FMN1: variants seen among roughly 807,000 people sequenced by gnomAD.
FMN1 encodes formin 1, also known as formin-1.
FMN1 carries 110 observed loss-of-function variants against 132.4 expected under a neutral mutation model. That is an observed-to-expected ratio of 0.83 (90% confidence interval 0.71 to 0.97). The LOEUF (loss-of-function observed/expected upper bound fraction) is 0.97. FMN1 is among the 50% of genes least tolerant of loss of function. FMN1 has a pLI of 0.00. For synonymous variants in FMN1, 722 were observed against 651.7 expected, an observed-to-expected ratio of 1.11 and a Z score of -1.64; for missense variants, 1,792 against 1,705.3, an observed-to-expected ratio of 1.05 and a Z score of -0.90.
chr15:32,979,555 C>CAAAAA (rs66993265), intron 7 of FMN1, among the ~76,000 whole-genome samples: 9 of 57,468 alleles, frequency 1.6e-4, no homozygotes, highest in African/African-American at 2.1e-4. Flanking sequence ...GACTCTGTCT[C>CAAAAA]AAAAAAAAAA....
chr15:32,843,135 GAA>G (rs5811712), intron 17 of FMN1, among the ~76,000 whole-genome samples: 217 of 143,632 alleles, frequency 1.5e-3, no homozygotes, highest in South Asian at 5.5e-3. Context: ...CTCAAAAAGA[GAA>G]AAAAAAAAAA....
chr15:32,941,308 G>T (rs1372929392), intron 9 of FMN1, among the ~76,000 whole-genome samples: 1 of 152,104 alleles, frequency 6.6e-6, no homozygotes, highest in African/African-American at 2.4e-5. Context: ...ATGTTACTCT[G>T]GTTGAATTGG....
chr15:32,888,557 A>G (rs2059949069), intron 15 of FMN1, among the ~76,000 whole-genome samples: 1 of 152,236 alleles, frequency 6.6e-6, no homozygotes, highest in Non-Finnish European at 1.5e-5. Context: ...TCAAAGAGAA[A>G]ATTGTCAGGT....
chr15:33,007,779 T>A (rs1234080924), intron 7 of FMN1, among the ~76,000 whole-genome samples: 1 of 152,238 alleles, frequency 6.6e-6, no homozygotes. Flanking sequence ...AAAATAATCA[T>A]TTTCCAATCC....
intron 17 of FMN1, among the ~76,000 whole-genome samples, chr15:32,826,333 G>A (rs2058365565): frequency 6.6e-6 from 1 of 152,254 alleles, no homozygotes; most frequent in Non-Finnish European, 1.5e-5. Flanking sequence ...CGCAGCCTGA[G>A]AGGCTACAGG....
chr15:32,826,613 T>C (rs1322069012), intron 17 of FMN1, among the ~76,000 whole-genome samples: 1 of 152,184 alleles, frequency 6.6e-6, no homozygotes, highest in Non-Finnish European at 1.5e-5. Flanking sequence ...TCTCTCTTCA[T>C]CTATGTTTAA....
At chr15:33,084,557 G>A (rs990687373) in intron 5 of FMN1, among the ~76,000 whole-genome samples, 9 of 152,080 alleles carry the variant, frequency 5.9e-5, no homozygotes, top group African/African-American at 2.2e-4. Context: ...AGGCAATTGG[G>A]GAATTGCTTG....
At chr15:32,789,983 G>A (rs1036637147) in intron 19 of FMN1, among the ~76,000 whole-genome samples, 4 of 152,110 alleles carry the variant, frequency 2.6e-5, no homozygotes, top group Non-Finnish European at 4.4e-5. Flanking sequence ...TATAATGTTC[G>A]CACAATGATG....
At chr15:33,111,304 T>C (rs1417295527) in intron 4 of FMN1, among the ~76,000 whole-genome samples, 1 of 152,128 alleles carries the variant, frequency 6.6e-6, no homozygotes, top group Non-Finnish European at 1.5e-5. Flanking sequence ...GGGATGGCTA[T>C]AATTAAAAAG....
At chr15:32,943,062 G>T (rs1049363024) in intron 9 of FMN1, among the ~76,000 whole-genome samples, 3 of 152,184 alleles carry the variant, frequency 2.0e-5, no homozygotes, top group Non-Finnish European at 4.4e-5. Context: ...CTGGTACAGT[G>T]CTCAAGGAAA....
At chr15:33,024,223 A>ATTTTTTTTTTTTTTTTTTTT (rs555760509) in intron 6 of FMN1, among the ~76,000 whole-genome samples, 4 of 88,018 alleles carry the variant, frequency 4.5e-5, no homozygotes, top group African/African-American at 1.3e-4. Flanking sequence ...CACCTATCAG[A>ATTTTTTTTTTTTTTTTTTTT]TTTTTTTTTT....
chr15:33,096,290 T>C (rs939954065), intron 4 of FMN1, among the ~76,000 whole-genome samples: 3 of 152,192 alleles, frequency 2.0e-5, no homozygotes, highest in African/African-American at 4.8e-5. Flanking sequence ...CTTTACACAA[T>C]ATTGTTGCCA....
chr15:32,855,568 C>T (rs1420987302), intron 17 of FMN1, among the ~76,000 whole-genome samples: 1 of 152,304 alleles, frequency 6.6e-6, no homozygotes, highest in Non-Finnish European at 1.5e-5. Context: ...ATAAAATTCA[C>T]AATATAAGCT....
intron 5 of FMN1, among the ~76,000 whole-genome samples, chr15:33,085,878 T>C (rs906973692): frequency 5.9e-5 from 9 of 152,144 alleles, no homozygotes; most frequent in Non-Finnish European, 1.2e-4. Flanking sequence ...TATCATTTCA[T>C]GGAATATTCA....
chr15:32,888,271 C>T lies in FMN1; in HGVS notation c.3736G>A (p.Val1246Ile), dbSNP rs757468894. Residue 1246 changes from valine (V) to isoleucine (I), a missense_variant, in exon 16 of 21, where the codon GTT becomes ATT. By Grantham distance (29) the Val-to-Ile change is conservative. Transcript: ENST00000616417. ...TCCTGTGGTTCCGGCAAGGGGAAAA[C>T]ACTCTTTTCTGTTCCAGCTTCCTAA... ...YDQEAGTEKS[V>I]FPLPEPQDFF... 9.3e-6 allele frequency: 15 copies of T among 1,612,330 alleles called. No homozygotes were observed. The highest frequency in any genetic ancestry group is 1.2e-5 in the Non-Finnish European group (14 of 1,179,212).
intron 9 of FMN1, among the ~76,000 whole-genome samples, chr15:32,939,220 G>C (rs2061347779): frequency 6.6e-6 from 1 of 152,194 alleles, no homozygotes; most frequent in Non-Finnish European, 1.5e-5. Flanking sequence ...CTATCTCACT[G>C]CTGGGGCATT....
chr15:32,947,499 T>C (rs1218246041), intron 9 of FMN1, among the ~76,000 whole-genome samples: 1 of 152,126 alleles, frequency 6.6e-6, no homozygotes, highest in Non-Finnish European at 1.5e-5. Flanking sequence ...GGAGTTGTTT[T>C]TTGAACATTT....
intron 2 of FMN1, among the ~76,000 whole-genome samples, chr15:33,186,742 C>G (rs922888846): frequency 3.4e-4 from 52 of 152,134 alleles, no homozygotes; most frequent in African/African-American, 1.0e-3. Flanking sequence ...AAAAGAGAAG[C>G]ATATTGAATC....
At chr15:32,784,346 G>A (rs1346483196) in intron 19 of FMN1, among the ~76,000 whole-genome samples, 2 of 151,388 alleles carry the variant, frequency 1.3e-5, no homozygotes, top group Non-Finnish European at 2.9e-5. Flanking sequence ...GATGATTTAT[G>A]TATGTTTTTA....
Sources: gnomAD v4.1 joint callset for allele counts (sites outside exome capture counted in the v4.1 genomes callset) on GRCh38, gnomAD v4.1.1 for gene constraint, MANE v1.5 for transcripts, NCBI Gene and HGNC (gene_info 2026-07-23, HGNC 2026-07-21) for gene names.